CPNE4: variants seen among roughly 807,000 people sequenced by gnomAD.
CPNE4 encodes the protein copine 4.
A neutral mutation model predicts 67.9 loss-of-function variants in CPNE4; 25 were observed. That is an observed-to-expected ratio of 0.37 (90% confidence interval 0.27 to 0.51). The LOEUF (loss-of-function observed/expected upper bound fraction) is 0.51. Among genes scored for constraint, CPNE4 ranks in the 20% least tolerant of loss-of-function variants. The probability of loss-of-function intolerance (pLI) is 0.93; values close to 1 mark genes in which losing one functional copy is unlikely to be tolerated. For synonymous variants in CPNE4, 242 were observed against 244.9 expected (o/e 0.99, Z 0.11); for missense variants, 464 against 690.8 (o/e 0.67, Z 3.68).
intron 7 of CPNE4, among the ~76,000 whole-genome samples, chr3:131,668,106 C>G (rs2080309436): frequency 6.6e-6 from 1 of 152,106 alleles, no homozygotes; most frequent in Non-Finnish European, 1.5e-5. Flanking sequence ...ACAGAGATAC[C>G]AGGTGCAACT....
chr3:131,779,224 T>C (rs2083370780), intron 2 of CPNE4, among the ~76,000 whole-genome samples: 1 of 152,102 alleles, frequency 6.6e-6, no homozygotes, highest in Admixed American at 6.5e-5. Flanking sequence ...CATTCATGGA[T>C]AGGAAGAATT....
intron 2 of CPNE4, among the ~76,000 whole-genome samples, chr3:131,745,387 A>G (rs1363830978): frequency 1.3e-5 from 2 of 152,112 alleles, no homozygotes; most frequent in East Asian, 3.8e-4. Flanking sequence ...CCTCCTTGTA[A>G]AAGGGTCTTT....
intron 1 of CPNE4, among the ~76,000 whole-genome samples, chr3:131,955,850 A>G (rs908550395): frequency 1.3e-5 from 2 of 152,102 alleles, no homozygotes; most frequent in Non-Finnish European, 2.9e-5. Flanking sequence ...ATTTTCCTCA[A>G]TCACTGCTTG....
At chr3:131,614,560 C>T (rs985378085) in intron 7 of CPNE4, among the ~76,000 whole-genome samples, 7 of 152,130 alleles carry the variant, frequency 4.6e-5, no homozygotes, top group African/African-American at 1.7e-4. Context: ...ACAATATAGA[C>T]CATTTCCTGT....
At chr3:131,614,001 T>G (rs1939999428) in intron 7 of CPNE4, among the ~76,000 whole-genome samples, 1 of 152,222 alleles carries the variant, frequency 6.6e-6, no homozygotes, top group Non-Finnish European at 1.5e-5. Flanking sequence ...GTGGCTGGCC[T>G]GGCACTTGTT....
intron 3 of CPNE4, among the ~76,000 whole-genome samples, chr3:131,715,664 G>C (rs918685326): frequency 6.6e-6 from 1 of 152,190 alleles, no homozygotes; most frequent in Non-Finnish European, 1.5e-5. Flanking sequence ...AAAGTGCCTG[G>C]AGTTTAAAAA....
intron 6 of CPNE4, among the ~76,000 whole-genome samples, chr3:131,673,754 G>A (rs1456777844): frequency 6.6e-6 from 1 of 151,976 alleles, no homozygotes; most frequent in Non-Finnish European, 1.5e-5. Flanking sequence ...TATATCATCT[G>A]CAAACAAGTA....
At chr3:131,675,112 A>G (rs2080523859) in intron 6 of CPNE4, among the ~76,000 whole-genome samples, 1 of 152,062 alleles carries the variant, frequency 6.6e-6, no homozygotes, top group Non-Finnish European at 1.5e-5. Flanking sequence ...ATGTATTTGT[A>G]CAGTTTCCAA....
At chr3:131,774,264 C>G (rs2083241149) in intron 2 of CPNE4, among the ~76,000 whole-genome samples, 1 of 151,738 alleles carries the variant, frequency 6.6e-6, no homozygotes. Flanking sequence ...CTATCTAGTT[C>G]CAGCCAAAAA....
At chr3:131,978,468 T>TTA (rs1394633212) in intron 1 of CPNE4, among the ~76,000 whole-genome samples, 1 of 20,428 alleles carries the variant, frequency 4.9e-5, no homozygotes, top group African/African-American at 3.7e-4. Flanking sequence ...TTATATATAT[T>TTA]TATATATTTA....
At chr3:131,759,463 T>C (rs76997583) in intron 2 of CPNE4, among the ~76,000 whole-genome samples, 135 of 152,282 alleles carry the variant, frequency 8.9e-4, no homozygotes, top group African/African-American at 3.2e-3. Context: ...AGCTCAACTC[T>C]AGTTTATAAA....
intron 2 of CPNE4, among the ~76,000 whole-genome samples, chr3:131,734,823 C>T (rs186771518): frequency 6.6e-6 from 1 of 152,048 alleles, no homozygotes; most frequent in East Asian, 1.9e-4. Context: ...CCCAGGGAGT[C>T]GAGGCTGCAG....
chr3:131,548,249 A>G (rs954984990), intron 14 of CPNE4, among the ~76,000 whole-genome samples: 1 of 152,188 alleles, frequency 6.6e-6, no homozygotes, highest in African/African-American at 2.4e-5. Context: ...TTCATTATAT[A>G]TATATATGAA....
chr3:131,804,428 G>A (rs1047648670), intron 2 of CPNE4, among the ~76,000 whole-genome samples: 3 of 152,108 alleles, frequency 2.0e-5, no homozygotes, highest in African/African-American at 7.2e-5. Flanking sequence ...CTCGAGCCTT[G>A]TGAATAAATG....
At chr3:131,566,765 C>T (rs190818720) in intron 10 of CPNE4, among the ~76,000 whole-genome samples, 264 of 152,036 alleles carry the variant, frequency 1.7e-3, no homozygotes, top group African/African-American at 6.2e-3. Flanking sequence ...GATAATGGCA[C>T]CTTGCACAGG....
rs1320141497 is a variant in CPNE4 at position 131,945,714 on chromosome 3, T to A, written c.-1-40270A>T. 2.0e-5 allele frequency among the ~76,000 whole-genome samples: 3 copies of A among 152,186 alleles called. No individual in the cohort carries two copies. In the East Asian group the frequency reaches 5.8e-4, roughly 29 times the overall value. ...ATTTTTTGTAGTTATTTCCCCCAGATTAATCTCTTGCTTGTCTATTTCTCT... is the reference window on the plus strand; with the variant it reads ...ATTTTTTGTAGTTATTTCCCCCAGAATAATCTCTTGCTTGTCTATTTCTCT... On this transcript the variant is annotated intron_variant, in intron 1 of 15. Transcript: ENST00000429747.
intron 2 of CPNE4, among the ~76,000 whole-genome samples, chr3:131,727,355 G>C (rs2082024703): frequency 6.6e-6 from 1 of 152,048 alleles, no homozygotes; most frequent in Non-Finnish European, 1.5e-5. Flanking sequence ...AGCACTTTTG[G>C]AGGCCGAGGA....
intron 2 of CPNE4, among the ~76,000 whole-genome samples, chr3:131,860,269 G>A (rs2086622268): frequency 6.6e-6 from 1 of 152,166 alleles, no homozygotes. Flanking sequence ...TTTAGTTATT[G>A]TTACTAAGTG....
chr3:132,010,613 C>A (rs902739201), intron 1 of CPNE4, among the ~76,000 whole-genome samples: 6 of 152,058 alleles, frequency 3.9e-5, no homozygotes. Flanking sequence ...CAGGCATAAC[C>A]CCAGTGATGG....
Sources: gnomAD v4.1 joint callset for allele counts (sites outside exome capture counted in the v4.1 genomes callset) on GRCh38, gnomAD v4.1.1 for gene constraint, MANE v1.5 for transcripts, NCBI Gene and HGNC (gene_info 2026-07-23, HGNC 2026-07-21) for gene names.